The following CYP2C8 variants were observed in gnomAD, a reference collection of about 807,000 sequenced individuals.
CYP2C8 encodes the protein cytochrome P450 family 2 subfamily C member 8.
A neutral mutation model predicts 41.3 loss-of-function variants in CYP2C8; 51 were observed. The observed-to-expected ratio is 1.24, with a 90% CI of 0.99 to 1.56. CYP2C8 has a LOEUF of 1.56. Among genes scored for constraint, CYP2C8 ranks in the 40% most tolerant of loss-of-function variants. CYP2C8 has a pLI of 0.00. For synonymous variants in CYP2C8, 218 were observed against 205.8 expected (o/e 1.06, Z -0.51); for missense variants, 651 against 579.9 (o/e 1.12, Z -1.26).
intron 7 of CYP2C8, chr10:95,039,352 T>C: frequency 2.8e-6 from 1 of 355,018 alleles, no homozygotes; most frequent in Non-Finnish European, 5.3e-6. Flanking sequence ...TTGACACATC[T>C]TGTATTTTGA....
Position 95,045,952 on chromosome 10 carries a change from C to G in CYP2C8, c.820-1G>C, listed in dbSNP as rs1238596821. On this transcript the variant is annotated splice_acceptor_variant, in intron 5 of 8. Coordinates refer to ENST00000371270, the MANE Select transcript of CYP2C8 (RefSeq NM_000770.3). LOFTEE classifies it high-confidence loss of function. ...ATTCTGACTTTTGGTTGTCCTTTTCCTAGAAGTGATTTCATGCAATTATCT... is the reference window on the plus strand; with the variant it reads ...ATTCTGACTTTTGGTTGTCCTTTTCGTAGAAGTGATTTCATGCAATTATCT... 3 of 1,613,808 alleles carry G rather than the reference C, an allele frequency of 1.9e-6. No individual in the cohort carries two copies. Among genetic ancestry groups the G allele is most frequent in the Non-Finnish European group, 8.5e-7 (1 of 1,179,798 alleles).
intron 3 of CYP2C8, among the ~76,000 whole-genome samples, chr10:95,066,469 A>T: frequency 6.6e-6 from 1 of 152,306 alleles, no homozygotes; most frequent in South Asian, 2.1e-4. Flanking sequence ...CTAGTTAAAC[A>T]AATTATTTAC....
At chr10:95,068,714 T>C (rs2033620204) in intron 1 of CYP2C8, 2 of 839,300 alleles carry the variant, frequency 2.4e-6, no homozygotes, top group Admixed American at 2.3e-5. Context: ...AATGTTTCTG[T>C]ATTCACAAAA....
At chr10:95,069,150 G>C in intron 1 of CYP2C8, 85 bp downstream of exon 1, 1 of 1,415,768 alleles carries the variant, frequency 7.1e-7, no homozygotes, top group Middle Eastern at 1.9e-4. Flanking sequence ...ATAATAGTGT[G>C]CTTCCAGGAA....
chr10:95,054,672 C>CA (rs1359457327), intron 5 of CYP2C8, among the ~76,000 whole-genome samples: 8 of 152,032 alleles, frequency 5.3e-5, no homozygotes, highest in Middle Eastern at 6.8e-3. Flanking sequence ...ATATAACCCA[C>CA]AAAAAACAAC....
Position 95,058,498 on chromosome 10 carries a change from A to C in CYP2C8, c.656T>G (p.Phe219Cys). Reference sequence around the variant, plus strand: ...TGGGAAACAATCAATGAGTAGAGGGAAATTATTGCAGACCTAAAAGAGAAA... The same window carrying C: ...TGGGAAACAATCAATGAGTAGAGGGCAATTATTGCAGACCTAAAAGAGAAA... ...NSPWIQVCNN[F>C]PLLIDCFPGT... Residue 219 changes from phenylalanine (F) to cysteine (C), a missense_variant, in exon 5 of 9, where the codon TTC (phenylalanine) becomes TGC (cysteine). Phe to Cys is a radical substitution (Grantham distance 205). Coordinates refer to ENST00000371270, the MANE Select transcript of CYP2C8 (RefSeq NM_000770.3). 6.2e-7 allele frequency: 1 copy of C among 1,612,534 alleles called. No individual in the cohort carries two copies. Among genetic ancestry groups the C allele is most frequent in the Non-Finnish European group, 8.5e-7 (1 of 1,179,116 alleles).
intron 8 of CYP2C8, among the ~76,000 whole-genome samples, chr10:95,037,701 G>A (rs2032914148): frequency 6.6e-6 from 1 of 152,130 alleles, no homozygotes; most frequent in South Asian, 2.1e-4. Context: ...TTCCAAGCCT[G>A]ATATTCCATG....
In CYP2C8 at chr10:95,064,857, G is replaced by T. The variant is rs530468858; in HGVS notation, c.585C>A (p.Leu195=). The T allele has an allele frequency of 2.5e-5, 40 of 1,613,982 alleles. No individual in the cohort carries two copies. The East Asian group carries it at 5.1e-4, about 21-fold the overall frequency. The stretch of plus-strand genomic sequence containing the variant: ...TTTCATTGAATCTTTTCATCAGGGT[G>T]AGAAAATTCTGATCTTTATAATCAA... ...KRFDYKDQNF[L]TLMKRFNENF... Residue 195 remains leucine, a synonymous_variant, in exon 4 of 9, where the codon CTC becomes CTA. Coordinates refer to ENST00000371270, the MANE Select transcript of CYP2C8 (RefSeq NM_000770.3).
intron 7 of CYP2C8, 163 bp from the exon 8 acceptor site, chr10:95,039,201 C>A: frequency 1.5e-6 from 1 of 667,388 alleles, no homozygotes; most frequent in Admixed American, 2.4e-5. Flanking sequence ...GTGGTGGAAG[C>A]TTGCTAAAGA....
chr10:95,064,006 G>C (rs1385195934), intron 4 of CYP2C8, among the ~76,000 whole-genome samples: 1 of 152,164 alleles, frequency 6.6e-6, no homozygotes, highest in Non-Finnish European at 1.5e-5. Context: ...TCTCAGAGGG[G>C]TACCCAGCCC....
At chr10:95,058,009 A>C (rs748710363) in intron 5 of CYP2C8, among the ~76,000 whole-genome samples, 1 of 152,162 alleles carries the variant, frequency 6.6e-6, no homozygotes, top group Non-Finnish European at 1.5e-5. Context: ...TCTATGTGCA[A>C]TATTGATATT....
At chr10:95,066,153 AGTGTGTGTGTGTGT>A (rs113983526) in intron 3 of CYP2C8, among the ~76,000 whole-genome samples, 12 of 88,252 alleles carry the variant, frequency 1.4e-4, no homozygotes, top group Admixed American at 2.3e-4. Context: ...AGAGAGAGAG[AGTGTGTGTGTGTGT>A]GTGTGTGTGT....
chr10:95,067,410 G>T (rs776175402), intron 2 of CYP2C8, 53 bp from the exon 3 acceptor site: 1 of 1,613,908 alleles, frequency 6.2e-7, no homozygotes, highest in Non-Finnish European at 8.5e-7. Flanking sequence ...GGAAGAAAGT[G>T]CTGCAACACT....
chr10:95,063,104 A>G (rs2033475132), intron 4 of CYP2C8, among the ~76,000 whole-genome samples: 1 of 152,092 alleles, frequency 6.6e-6, no homozygotes, highest in Admixed American at 6.5e-5. Flanking sequence ...GGTGAATCTG[A>G]CAATTATGTG....
chr10:95,038,863 C>T, intron 8 of CYP2C8, 34 bp downstream of exon 8: 1 of 1,611,112 alleles, frequency 6.2e-7, no homozygotes, highest in Non-Finnish European at 8.5e-7. Context: ...TTCTCTCTTT[C>T]CTTTAAATAC....
rs2032892500 is a variant in CYP2C8, at chr10:95,036,909, T to G, written c.*219A>C. 1.7e-6 allele frequency: 1 copy of G among 588,528 alleles called. No homozygotes were observed. The highest frequency in any genetic ancestry group is 2.0e-5 in the South Asian group (1 of 51,056). 36.5% of individuals were successfully genotyped at this position (588,528 alleles called of 1,614,324 possible). A position where few individuals can be genotyped will look rare whatever the true frequency, so the allele number is the denominator to read the frequency against. On this transcript the variant is annotated 3_prime_UTR_variant, in exon 9 of 9. Transcript: ENST00000371270. Reference sequence around the variant, plus strand: ...TCAGCATTAGAAAAGTATTAGCATATGCAGCAATTAATACAAGTGTTACAG... The same window carrying G: ...TCAGCATTAGAAAAGTATTAGCATAGGCAGCAATTAATACAAGTGTTACAG...
chr10:95,055,368 TA>T (rs926276253), intron 5 of CYP2C8, among the ~76,000 whole-genome samples: 4 of 151,730 alleles, frequency 2.6e-5, no homozygotes, highest in Admixed American at 1.3e-4. Flanking sequence ...CAAAAAAAAA[TA>T]AATAAATAAA....
chr10:95,066,153 A>AGAGTGTGT (rs1342809282), intron 3 of CYP2C8, among the ~76,000 whole-genome samples: 40 of 88,272 alleles, frequency 4.5e-4, no homozygotes, highest in African/African-American at 1.1e-3. Context: ...AGAGAGAGAG[A>AGAGTGTGT]GTGTGTGTGT....
At chr10:95,062,479 T>C (rs1408633610) in intron 4 of CYP2C8, among the ~76,000 whole-genome samples, 2 of 152,222 alleles carry the variant, frequency 1.3e-5, no homozygotes, top group Admixed American at 1.3e-4. Context: ...CTTTTTTTGT[T>C]TTCCATTTGC....
Sources: gnomAD v4.1 joint callset for allele counts (sites outside exome capture counted in the v4.1 genomes callset) on GRCh38, gnomAD v4.1.1 for gene constraint, MANE v1.5 for transcripts, NCBI Gene and HGNC (gene_info 2026-07-23, HGNC 2026-07-21) for gene names.